BANP: variants seen among roughly 807,000 people sequenced by gnomAD.
BANP encodes protein BANP.
In BANP, 11 loss-of-function variants were observed where a neutral mutation model predicts 68.1. That is an observed-to-expected ratio of 0.16 (90% CI 0.10 to 0.27). The LOEUF (loss-of-function observed/expected upper bound fraction) is 0.27, where lower values mean the gene tolerates loss of function less well. BANP is among the 10% of genes least tolerant of loss of function. The pLI, the probability that BANP is intolerant of heterozygous loss-of-function variation, is 1.00. For missense variants in BANP, 504 were observed against 722.7 expected (o/e 0.70, Z 3.47); for synonymous variants, 329 against 303.2 (o/e 1.09, Z -0.88).
In BANP at chr16:88,076,805, C is replaced by T; in HGVS notation, c.*144C>T. On this transcript the variant is annotated 3_prime_UTR_variant, in exon 14 of 14. Coordinates refer to ENST00000682872, the MANE Select transcript of BANP (RefSeq NM_001386991.1). ...TGAAGGCCGCTGCCTCCGCGGGGAA[C>T]AGCATCCTATCAACTGAAAGAGCAG... 3 of 670,578 alleles carry T rather than the reference C, an allele frequency of 4.5e-6. No homozygotes were observed. The highest frequency in any genetic ancestry group is 4.9e-6 in the Non-Finnish European group (2 of 407,654). 41.5% of individuals were successfully genotyped at this position (670,578 alleles called of 1,614,324 possible). A position where few individuals can be genotyped will look rare whatever the true frequency, so the allele number is the denominator to read the frequency against.
At chr16:87,963,108 G>A (rs929131100) in intron 1 of BANP, among the ~76,000 whole-genome samples, 1 of 152,084 alleles carries the variant, frequency 6.6e-6, no homozygotes, top group African/African-American at 2.4e-5. Flanking sequence ...TGGCTCTTTG[G>A]ACTTGCCATT....
At chr16:87,974,926 G>T in intron 1 of BANP, 122 bp from the exon 2 acceptor site, 1 of 581,188 alleles carries the variant, frequency 1.7e-6, no homozygotes, top group African/African-American at 1.9e-5. Flanking sequence ...GAAGAACCCT[G>T]CATGTAAAAC....
At chr16:88,043,776 C>A (rs1021060716) in intron 11 of BANP, among the ~76,000 whole-genome samples, 8 of 151,926 alleles carry the variant, frequency 5.3e-5, no homozygotes, top group African/African-American at 1.9e-4. Context: ...ACAGACGGTG[C>A]CAGGAGTGTA....
chr16:87,993,530 C>G (rs73242997), intron 4 of BANP, among the ~76,000 whole-genome samples: 1 of 152,120 alleles, frequency 6.6e-6, no homozygotes, highest in Non-Finnish European at 1.5e-5. Flanking sequence ...CGTCAGTTGG[C>G]TCCCGTGCCC....
At chr16:88,061,820 C>T (rs1048218571) in intron 11 of BANP, among the ~76,000 whole-genome samples, 1 of 152,138 alleles carries the variant, frequency 6.6e-6, no homozygotes, top group African/African-American at 2.4e-5. Flanking sequence ...CACGCACCAC[C>T]ATGCCCGGCT....
intron 4 of BANP, among the ~76,000 whole-genome samples, chr16:87,985,150 G>T (rs1368250553): frequency 6.6e-6 from 1 of 152,218 alleles, no homozygotes; most frequent in Non-Finnish European, 1.5e-5. Flanking sequence ...TAGGTGCTTT[G>T]TGGGCCTCGC....
chr16:88,033,941 AG>A (rs1236904788), intron 9 of BANP, among the ~76,000 whole-genome samples: 1 of 152,158 alleles, frequency 6.6e-6, no homozygotes, highest in Non-Finnish European at 1.5e-5. Flanking sequence ...CTGAGTGACT[AG>A]AAATTTTACA....
chr16:87,950,519 C>T (rs1309608325), upstream of BANP: 1 of 152,046 alleles, frequency 6.6e-6, no homozygotes, highest in African/African-American at 2.4e-5. Flanking sequence ...ACTGCAACCT[C>T]TGACTCGCGG....
chr16:87,988,430 AT>A (rs879815857), intron 4 of BANP, among the ~76,000 whole-genome samples: 358 of 143,914 alleles, frequency 2.5e-3, no homozygotes, highest in Middle Eastern at 3.7e-3. Flanking sequence ...CGCCTGGCTA[AT>A]TTTTTTTTTT....
rs1427314561 is a variant in BANP at position 88,076,333 on chromosome 16, C to T, written c.1522-257C>T. Among the ~76,000 whole-genome samples the T allele has an allele frequency of 3.1e-5, 4 of 127,748 alleles. No individual in the cohort carries two copies. In the East Asian group the frequency reaches 9.8e-4, roughly 31 times the overall value. The allele number at this position is 127,748 out of a possible 152,430, so 83.8% of individuals were successfully genotyped here. A position where few individuals can be genotyped will look rare whatever the true frequency, so the allele number is the denominator to read the frequency against. On this transcript the variant is annotated intron_variant, in intron 13 of 13. Coordinates refer to ENST00000682872, the MANE Select transcript of BANP (RefSeq NM_001386991.1). Reference sequence around the variant, plus strand: ...GCAGCTGCTGCGCCGGCCCCGGTGACGGAGTCCATGTCGGGGGCGGGCCGG... The same window carrying T: ...GCAGCTGCTGCGCCGGCCCCGGTGATGGAGTCCATGTCGGGGGCGGGCCGG...
At chr16:88,051,116 C>T (rs973589781) in intron 11 of BANP, among the ~76,000 whole-genome samples, 6 of 152,230 alleles carry the variant, frequency 3.9e-5, no homozygotes, top group Non-Finnish European at 7.3e-5. Context: ...AGCTGTTGAC[C>T]GCAGCACCCG....
intron 7 of BANP, among the ~76,000 whole-genome samples, chr16:88,026,513 G>A (rs1242210536): frequency 6.6e-6 from 1 of 152,214 alleles, no homozygotes; most frequent in African/African-American, 2.4e-5. Flanking sequence ...TTATGAGGGG[G>A]ACAGAGTAAC....
chr16:87,966,111 A>T (rs575470810), intron 1 of BANP, among the ~76,000 whole-genome samples: 2 of 152,340 alleles, frequency 1.3e-5, no homozygotes, highest in South Asian at 4.1e-4. Flanking sequence ...TTGCTATCAT[A>T]TTCTGGAGAT....
chr16:88,067,664 C>T (rs374584565), intron 12 of BANP, among the ~76,000 whole-genome samples: 1 of 152,096 alleles, frequency 6.6e-6, no homozygotes, highest in Admixed American at 6.5e-5. Flanking sequence ...AGTGCCCAGC[C>T]CCCCCTGCAC....
At chr16:88,069,492 G>T (rs1046608878) in intron 12 of BANP, among the ~76,000 whole-genome samples, 3 of 152,190 alleles carry the variant, frequency 2.0e-5, no homozygotes, top group African/African-American at 7.2e-5. Context: ...ACCCAGGCTG[G>T]AGGGAGCCGG....
chr16:88,027,384 G>T, intron 7 of BANP, 99 bp from the exon 8 acceptor site: 3 of 1,388,018 alleles, frequency 2.2e-6, no homozygotes, highest in Middle Eastern at 5.1e-4. Context: ...GGGGTGCCTG[G>T]GTGAGGCCTC....
At chr16:87,968,579 C>T (rs2060543568) in intron 1 of BANP, among the ~76,000 whole-genome samples, 1 of 151,884 alleles carries the variant, frequency 6.6e-6, no homozygotes, top group Non-Finnish European at 1.5e-5. Context: ...TGACATGTAG[C>T]TTTGATCTTC....
At chr16:87,968,548 GA>G (rs1014695346) in intron 1 of BANP, among the ~76,000 whole-genome samples, 32 of 152,004 alleles carry the variant, frequency 2.1e-4, no homozygotes, top group African/African-American at 7.7e-4. Flanking sequence ...TCTTACTCTG[GA>G]AAAAAGAAGG....
At chr16:87,954,699 G>A (rs993830006) in intron 1 of BANP, among the ~76,000 whole-genome samples, 9 of 152,274 alleles carry the variant, frequency 5.9e-5, no homozygotes, top group African/African-American at 2.2e-4. Flanking sequence ...GCGAGGCTTG[G>A]AGCCCCACGC....
Sources: gnomAD v4.1 joint callset for allele counts (sites outside exome capture counted in the v4.1 genomes callset) on GRCh38, gnomAD v4.1.1 for gene constraint, MANE v1.5 for transcripts, NCBI Gene and HGNC (gene_info 2026-07-23, HGNC 2026-07-21) for gene names.